The following GRAMD1B variants were observed in gnomAD, a reference collection of about 807,000 sequenced individuals.
GRAMD1B encodes the protein GRAM domain containing 1B, also known as protein Aster-B.
A neutral mutation model predicts 99.7 loss-of-function variants in GRAMD1B; 37 were observed. The observed-to-expected ratio is 0.37, with a 90% CI of 0.29 to 0.49. The LOEUF (loss-of-function observed/expected upper bound fraction) is 0.49, where lower values mean the gene tolerates loss of function less well. Ranked by LOEUF, GRAMD1B falls within the 20% of genes least tolerant of loss-of-function variation. The pLI, the probability that GRAMD1B is intolerant of heterozygous loss-of-function variation, is 0.98. For synonymous variants in GRAMD1B, 427 were observed against 387.6 expected (o/e 1.10, Z -1.19); for missense variants, 888 against 1,009.2 (o/e 0.88, Z 1.63).
rs953637556 is a variant in GRAMD1B at position 123,581,726 on chromosome 11, C to T, written c.664-2586C>T. Among the ~76,000 whole-genome samples, 7 of 152,330 alleles carry T rather than the reference C, an allele frequency of 4.6e-5. No homozygotes were observed. In the South Asian group the frequency reaches 1.5e-3, roughly 32 times the overall value. ...CAGTTCTTTAGTACATGTTCTTACC[C>T]ACGCTTTACAAAAGAGCAAACATTA... On this transcript the variant is annotated intron_variant, in intron 3 of 19. Transcript: ENST00000635736.
chr11:123,439,248 CAG>C (rs1349442679), intron 1 of GRAMD1B, among the ~76,000 whole-genome samples: 2 of 152,078 alleles, frequency 1.3e-5, no homozygotes, highest in Non-Finnish European at 2.9e-5. Context: ...CTCAGGGACT[CAG>C]AACAGAAAAT....
rs1338517534 is a variant in GRAMD1B at position 123,587,030 on chromosome 11, A to T, written c.684+2698A>T. Among the ~76,000 whole-genome samples the T allele has an allele frequency of 6.6e-6, 1 of 152,344 alleles. No individual in the cohort carries two copies. The highest frequency in any genetic ancestry group is 1.5e-5 in the Non-Finnish European group (1 of 68,024). ...CAGAATCGCTGATAGTGGCAAGAGC[A>T]TTCAGGCCCACTGGAGCAGCCTGGG... is the stretch of plus-strand genomic sequence containing the variant. On this transcript the variant is annotated intron_variant, in intron 4 of 19. Transcript: ENST00000635736. The surrounding 1 kb of genome is among the most constrained non-coding windows in gnomAD (Gnocchi z 4.2).
intron 1 of GRAMD1B, among the ~76,000 whole-genome samples, chr11:123,369,121 C>A (rs1946431145): frequency 6.6e-6 from 1 of 151,902 alleles, no homozygotes; most frequent in African/African-American, 2.4e-5. Flanking sequence ...AAAGTGAGAC[C>A]CCATATCTAC....
chr11:123,424,551 T>G (rs1021215069), intron 1 of GRAMD1B, among the ~76,000 whole-genome samples: 4 of 152,242 alleles, frequency 2.6e-5, no homozygotes, highest in Non-Finnish European at 4.4e-5. Context: ...TAATCCTGTA[T>G]GTCTCACCCT....
intron 2 of GRAMD1B, among the ~76,000 whole-genome samples, chr11:123,550,265 G>A (rs1035447163): frequency 2.6e-5 from 4 of 152,004 alleles, no homozygotes; most frequent in Non-Finnish European, 5.9e-5. Flanking sequence ...TCAACCTCTC[G>A]AGACATGTGG....
intron 2 of GRAMD1B, among the ~76,000 whole-genome samples, chr11:123,518,108 C>T (rs1384644259): frequency 1.3e-5 from 2 of 152,174 alleles, no homozygotes; most frequent in East Asian, 3.9e-4. Flanking sequence ...GCAACGGCCC[C>T]TCTCCTGGTT....
At chr11:123,543,428 G>C (rs768064474) in intron 2 of GRAMD1B, among the ~76,000 whole-genome samples, 12 of 152,238 alleles carry the variant, frequency 7.9e-5, no homozygotes, top group Non-Finnish European at 1.2e-4. Flanking sequence ...TTGCTATGAA[G>C]GACATTGGTG....
chr11:123,375,371 C>T (rs1173299496), intron 1 of GRAMD1B, among the ~76,000 whole-genome samples: 1 of 151,832 alleles, frequency 6.6e-6, no homozygotes, highest in Non-Finnish European at 1.5e-5. Flanking sequence ...CCAGCCTGGG[C>T]AACATAGCAA....
At chr11:123,598,656 G>A in intron 7 of GRAMD1B, 1 of 1,244,396 alleles carries the variant, frequency 8.0e-7, no homozygotes, top group Non-Finnish European at 1.2e-6. Context: ...AGCTAAGAGA[G>A]CGGATTTCAA....
chr11:123,439,299 G>A (rs1251407813), intron 1 of GRAMD1B, among the ~76,000 whole-genome samples: 1 of 152,160 alleles, frequency 6.6e-6, no homozygotes, highest in Non-Finnish European at 1.5e-5. Context: ...GAAGCAGGAT[G>A]GTGATGCCTC....
chr11:123,521,128 C>A (rs538478811), intron 2 of GRAMD1B, among the ~76,000 whole-genome samples: 3 of 152,186 alleles, frequency 2.0e-5, no homozygotes, highest in Non-Finnish European at 4.4e-5. Context: ...ATGCAATCAT[C>A]CAACTTTATT....
chr11:123,578,086 G>A (rs1948925067), intron 3 of GRAMD1B, among the ~76,000 whole-genome samples: 1 of 152,148 alleles, frequency 6.6e-6, no homozygotes, highest in African/African-American at 2.4e-5. Context: ...TCCCAAGGAT[G>A]TCAGGACTGC....
intron 2 of GRAMD1B, among the ~76,000 whole-genome samples, chr11:123,491,341 T>C (rs1938535646): frequency 6.6e-6 from 1 of 152,114 alleles, no homozygotes; most frequent in African/African-American, 2.4e-5. Flanking sequence ...ATTTCCAGAA[T>C]AGTCTGGCTC....
intron 1 of GRAMD1B, among the ~76,000 whole-genome samples, chr11:123,402,548 G>C (rs1434769381): frequency 1.3e-5 from 2 of 152,178 alleles, no homozygotes; most frequent in Non-Finnish European, 2.9e-5. Flanking sequence ...TTAGTAAACA[G>C]GGAAAATGGG....
chr11:123,508,661 A>G (rs1026306171), intron 2 of GRAMD1B, among the ~76,000 whole-genome samples: 2 of 151,882 alleles, frequency 1.3e-5, no homozygotes, highest in East Asian at 3.9e-4. Flanking sequence ...GAACAGAAGC[A>G]AGGTAATAAA....
In GRAMD1B at chr11:123,463,567, G is replaced by A. The variant is rs186971780; in HGVS notation, c.375-17249G>A. On this transcript the variant is annotated intron_variant, in intron 1 of 19. Coordinates refer to ENST00000635736, the MANE Select transcript of GRAMD1B (RefSeq NM_001387025.1). Reference sequence around the variant, plus strand: ...CCAACAGGTTCTCTCCACCACACGGGCAGAGCTACCGTCTCACTGGTAATA... The same window carrying A: ...CCAACAGGTTCTCTCCACCACACGGACAGAGCTACCGTCTCACTGGTAATA... Among the ~76,000 whole-genome samples, 15 of 152,306 alleles carry A rather than the reference G, an allele frequency of 9.8e-5. 1 individual carries two copies. Among genetic ancestry groups the A allele is most frequent in the Middle Eastern group, 6.8e-3 (2 of 294 alleles).
intron 1 of GRAMD1B, among the ~76,000 whole-genome samples, chr11:123,374,127 A>G (rs925692212): frequency 6.6e-6 from 1 of 152,156 alleles, no homozygotes; most frequent in Non-Finnish European, 1.5e-5. Flanking sequence ...ACTGCTTCCA[A>G]AATGTTATAA....
intron 2 of GRAMD1B, among the ~76,000 whole-genome samples, chr11:123,562,617 A>G (rs1200940440): frequency 1.3e-5 from 2 of 152,166 alleles, no homozygotes; most frequent in African/African-American, 4.8e-5. Flanking sequence ...TGCAAACACT[A>G]TTCTTGCGTC....
intron 1 of GRAMD1B, among the ~76,000 whole-genome samples, chr11:123,375,223 T>C (rs953158910): frequency 1.3e-5 from 2 of 152,220 alleles, no homozygotes; most frequent in African/African-American, 4.8e-5. Context: ...AATCTAGGTC[T>C]GATTTCAGAG....
Sources: allele counts gnomAD v4.1 joint callset (sites outside exome capture counted in the v4.1 genomes callset), GRCh38; gene constraint gnomAD v4.1.1; non-coding constraint Gnocchi (gnomAD v3.1); transcripts MANE v1.5; gene names NCBI Gene and HGNC (gene_info 2026-07-23, HGNC 2026-07-21).